ACYP2: variants seen among roughly 807,000 people sequenced by gnomAD.
The protein encoded by ACYP2 is acylphosphatase 2.
ACYP2 carries 12 observed loss-of-function variants against 11.2 expected under a neutral mutation model. The ratio of observed to expected loss-of-function variants is 1.08; its 90% confidence interval spans 0.69 to 1.74. The LOEUF (loss-of-function observed/expected upper bound fraction) is 1.74, where lower values mean the gene tolerates loss of function less well. ACYP2 is among the 40% of genes most tolerant of loss of function. ACYP2 has a pLI of 0.00. For synonymous variants in ACYP2, 43 were observed against 32.2 expected, an observed-to-expected ratio of 1.33 and a Z score of -1.13; for missense variants, 134 against 101.9, an observed-to-expected ratio of 1.31 and a Z score of -1.35.
chr2:54,280,249 A>G lies in ACYP2; in HGVS notation c.405-24439A>G, dbSNP rs370967827. On this transcript the variant is annotated intron_variant, in intron 6 of 6. Transcript: ENST00000607452. ...AGAGAGAGATATGAAAGATTATTAAAATCAAGAGGACATCATGGTTGATTG... is the reference window on the plus strand; with the variant it reads ...AGAGAGAGATATGAAAGATTATTAAGATCAAGAGGACATCATGGTTGATTG... Among the ~76,000 whole-genome samples, 17 of 152,302 alleles carry G rather than the reference A, an allele frequency of 1.1e-4. No individual in the cohort carries two copies. The South Asian group carries it at 1.7e-3, about 15-fold the overall frequency.
At chr2:54,030,873 C>T (rs1674548041) in intron 2 of ACYP2, among the ~76,000 whole-genome samples, 1 of 152,106 alleles carries the variant, frequency 6.6e-6, no homozygotes, top group Non-Finnish European at 1.5e-5. Flanking sequence ...TAAACAAGTT[C>T]ACCCAAATTA....
chr2:53,979,250 G>A (rs1365549451), intron 2 of ACYP2, among the ~76,000 whole-genome samples: 1 of 152,068 alleles, frequency 6.6e-6, no homozygotes, highest in Non-Finnish European at 1.5e-5. Flanking sequence ...CTAGGCTAAT[G>A]TGTGTGTTTG....
chr2:54,061,649 G>A (rs2103632451), intron 4 of ACYP2, among the ~76,000 whole-genome samples: 1 of 152,320 alleles, frequency 6.6e-6, no homozygotes, highest in African/African-American at 2.4e-5. Context: ...GAAGGTTTTA[G>A]AATCAGGCTT....
At chr2:54,099,686 C>G (rs1245821162) in intron 4 of ACYP2, among the ~76,000 whole-genome samples, 1 of 152,106 alleles carries the variant, frequency 6.6e-6, no homozygotes, top group Non-Finnish European at 1.5e-5. Context: ...CTGATGGACA[C>G]TCAGGTCCAT....
At chr2:53,978,233 GC>G (rs1408423854) in intron 2 of ACYP2, among the ~76,000 whole-genome samples, 1 of 149,658 alleles carries the variant, frequency 6.7e-6, no homozygotes, top group African/African-American at 2.5e-5. Context: ...CTGCACTCCA[GC>G]CTGGGTGACA....
At chr2:54,191,836 A>G (rs553088530) in intron 6 of ACYP2, among the ~76,000 whole-genome samples, 55 of 152,252 alleles carry the variant, frequency 3.6e-4, no homozygotes, top group African/African-American at 1.2e-3. Context: ...GCATGGATCA[A>G]TATGTAAGCA....
intron 2 of ACYP2, among the ~76,000 whole-genome samples, chr2:54,018,817 G>A (rs1673834274): frequency 1.3e-5 from 2 of 152,012 alleles, no homozygotes; most frequent in Non-Finnish European, 1.5e-5. Context: ...GCTCCATCTC[G>A]GCTCACTACA....
chr2:53,975,915 A>G (rs1671458259), intron 2 of ACYP2, among the ~76,000 whole-genome samples: 1 of 152,216 alleles, frequency 6.6e-6, no homozygotes, highest in Admixed American at 6.5e-5. Context: ...TCAAGGAAAC[A>G]GACTATAATC....
chr2:54,267,205 G>T, intron 6 of ACYP2: 2 of 1,337,248 alleles, frequency 1.5e-6, no homozygotes, highest in Non-Finnish European at 1.0e-6. Context: ...TGTTTTTTAG[G>T]GGCCTATAAA....
At chr2:54,069,579 A>G (rs6707794) in intron 4 of ACYP2, among the ~76,000 whole-genome samples, 7,091 of 152,028 alleles carry the variant, frequency 0.047, 573 homozygotes, top group African/African-American at 0.16. Context: ...GGAGGATGGC[A>G]TGAACCCGGG....
At chr2:54,267,423 G>A (rs1688088108) in intron 6 of ACYP2, 9 of 1,438,544 alleles carry the variant, frequency 6.3e-6, no homozygotes, top group Middle Eastern at 1.8e-4. Flanking sequence ...TAAGGGGTGG[G>A]AACAGAAGGA....
chr2:54,300,475 T>G (rs1477630535), intron 6 of ACYP2, among the ~76,000 whole-genome samples: 1 of 152,210 alleles, frequency 6.6e-6, no homozygotes, highest in Non-Finnish European at 1.5e-5. Flanking sequence ...TGGGTTAATG[T>G]GGGGAATATA....
At chr2:53,975,610 A>T (rs950286302) in intron 2 of ACYP2, among the ~76,000 whole-genome samples, 2 of 152,142 alleles carry the variant, frequency 1.3e-5, no homozygotes, top group Non-Finnish European at 2.9e-5. Flanking sequence ...AGGCAGGCGG[A>T]TCACAAGGTC....
intron 6 of ACYP2, among the ~76,000 whole-genome samples, chr2:54,262,121 T>C (rs1333222304): frequency 6.6e-6 from 1 of 152,214 alleles, no homozygotes; most frequent in Admixed American, 6.5e-5. Flanking sequence ...AAAAGGTCTA[T>C]GTAGAGTCCT....
rs893678919 is a variant in ACYP2, at chr2:53,980,455, C to T, written c.62+6645C>T. 2.0e-5 allele frequency among the ~76,000 whole-genome samples: 3 copies of T among 151,828 alleles called. 1 individual carries two copies. Among genetic ancestry groups the T allele is most frequent in the Admixed American group, 2.0e-4 (3 of 15,240 alleles). On this transcript the variant is annotated intron_variant, in intron 2 of 6. Coordinates refer to ENST00000607452, the MANE Select transcript of ACYP2 (RefSeq NM_001320586.2). ...TATTGAGTCCAGGAGCTGTGGTTCA[C>T]ACCTGTAATCCCAGCACTGTGGGAG... is the stretch of plus-strand genomic sequence containing the variant.
At chr2:54,029,041 G>A (rs962935743) in intron 2 of ACYP2, among the ~76,000 whole-genome samples, 1 of 152,194 alleles carries the variant, frequency 6.6e-6, no homozygotes, top group South Asian at 2.1e-4. Context: ...GGTGTTGCCT[G>A]TGGTCCCCAG....
intron 6 of ACYP2, among the ~76,000 whole-genome samples, chr2:54,146,439 A>ATTTTTTTT (rs11360655): frequency 1.4e-5 from 2 of 140,612 alleles, no homozygotes; most frequent in Non-Finnish European, 3.1e-5. Flanking sequence ...CTGATCCTCT[A>ATTTTTTTT]TTTTTTTTTT....
chr2:54,187,989 G>A (rs999848691), intron 6 of ACYP2, among the ~76,000 whole-genome samples: 30 of 152,178 alleles, frequency 2.0e-4, no homozygotes, highest in African/African-American at 6.3e-4. Context: ...GGAGAACACA[G>A]CCTTCAAGGT....
intron 6 of ACYP2, among the ~76,000 whole-genome samples, chr2:54,248,704 G>A (rs1400243245): frequency 2.6e-5 from 4 of 152,108 alleles, no homozygotes; most frequent in African/African-American, 9.7e-5. Flanking sequence ...ACTCATCACC[G>A]AAGAAAAGAA....
Sources: gnomAD v4.1 joint callset for allele counts (sites outside exome capture counted in the v4.1 genomes callset) on GRCh38, gnomAD v4.1.1 for gene constraint, MANE v1.5 for transcripts, NCBI Gene and HGNC (gene_info 2026-07-23, HGNC 2026-07-21) for gene names.